The following FAR1 variants were observed in gnomAD, a reference collection of about 807,000 sequenced individuals.
FAR1 encodes male sterility domain-containing protein 2.
FAR1 carries 22 observed loss-of-function variants against 61.1 expected under a neutral mutation model. The ratio of observed to expected loss-of-function variants is 0.36; its 90% CI spans 0.26 to 0.51. FAR1 has a LOEUF of 0.51. Among genes scored for constraint, FAR1 ranks in the 20% least tolerant of loss-of-function variants. The pLI is 0.95. For synonymous variants in FAR1, 206 were observed against 209.7 expected (o/e 0.98, Z 0.15); for missense variants, 359 against 626.9 (o/e 0.57, Z 4.56).
chr11:13,712,176 A>T (rs2134192548), intron 7 of FAR1, 130 bp downstream of exon 7: 1 of 662,526 alleles, frequency 1.5e-6, no homozygotes, highest in East Asian at 2.7e-5. Flanking sequence ...TATCACTGCC[A>T]ACTCCAAGAG....
intron 1 of FAR1, among the ~76,000 whole-genome samples, chr11:13,690,831 A>G (rs993897695): frequency 5.3e-5 from 8 of 152,202 alleles, no homozygotes; most frequent in South Asian, 2.1e-4. Context: ...CAGTCTTCCA[A>G]TCTAGGAATA....
intron 3 of FAR1, among the ~76,000 whole-genome samples, chr11:13,705,654 A>AT (rs1243244489): frequency 1.3e-5 from 2 of 151,984 alleles, no homozygotes; most frequent in African/African-American, 2.4e-5. Context: ...ACTTGAACAG[A>AT]TTTTCTCCCT....
chr11:13,708,172 G>A, intron 4 of FAR1, 93 bp downstream of exon 4: 1 of 832,822 alleles, frequency 1.2e-6, no homozygotes. Context: ...GAGCAGCCAG[G>A]CCAACATAGT....
chr11:13,711,703 A>T (rs1349208567), intron 5 of FAR1, 61 bp from the exon 6 acceptor site: 4 of 1,275,544 alleles, frequency 3.1e-6, no homozygotes, highest in Non-Finnish European at 4.5e-6. Context: ...AGTTCAAATA[A>T]TAAATCTCTA....
At chr11:13,705,960 C>T (rs1415022957) in intron 3 of FAR1, among the ~76,000 whole-genome samples, 1 of 152,188 alleles carries the variant, frequency 6.6e-6, no homozygotes, top group Non-Finnish European at 1.5e-5. Flanking sequence ...CACTGCTTCA[C>T]TTTACAGTGA....
chr11:13,721,618 T>C lies in FAR1; in HGVS notation c.1128-112T>C, dbSNP rs1848610581. On this transcript the variant is annotated intron_variant, in intron 9 of 11. Coordinates refer to ENST00000354817, the MANE Select transcript of FAR1 (RefSeq NM_032228.6). This position sits in a 1 kb window ranked among gnomAD's most constrained non-coding sequence, Gnocchi z 4.2. ...TGGTACACTTAATGATTAAATGTTA[T>C]AATTTTAATACTAATGTCTATATTA... 5.4e-6 allele frequency: 4 copies of C among 737,042 alleles called. No individual in the cohort carries two copies. The highest frequency in any genetic ancestry group is 3.4e-5 in the Admixed American group (1 of 29,606). 45.7% of individuals were successfully genotyped at this position (737,042 alleles called of 1,614,324 possible).
chr11:13,675,416 C>T (rs548810105), intron 1 of FAR1, among the ~76,000 whole-genome samples: 3 of 152,220 alleles, frequency 2.0e-5, no homozygotes, highest in East Asian at 1.9e-4. Flanking sequence ...ATAAAGCGTG[C>T]GGTTAGGAAA....
At chr11:13,725,555 G>T (rs1292992574) in intron 10 of FAR1, among the ~76,000 whole-genome samples, 1 of 152,008 alleles carries the variant, frequency 6.6e-6, no homozygotes. Flanking sequence ...CAGTGGAAAT[G>T]CAGACTAAAG....
At chr11:13,722,997 A>C (rs1848628590) in intron 10 of FAR1, among the ~76,000 whole-genome samples, 1 of 151,914 alleles carries the variant, frequency 6.6e-6, no homozygotes, top group Non-Finnish European at 1.5e-5. Context: ...TCTGTTTTGT[A>C]GTGAATTCTG....
chr11:13,708,480 C>CACACAT (rs1250984773), intron 4 of FAR1, among the ~76,000 whole-genome samples: 1 of 124,604 alleles, frequency 8.0e-6, no homozygotes, highest in Non-Finnish European at 1.9e-5. Flanking sequence ...CACACACATA[C>CACACAT]ATTTATCTCT....
At chr11:13,724,043 A>AAAAT (rs1565353383) in intron 10 of FAR1, among the ~76,000 whole-genome samples, 1 of 152,134 alleles carries the variant, frequency 6.6e-6, no homozygotes, top group Non-Finnish European at 1.5e-5. Flanking sequence ...ATTTTTTTAA[A>AAAAT]AAATATTTGT....
chr11:13,714,460 T>G, intron 8 of FAR1, 49 bp from the exon 9 acceptor site: 1 of 1,501,684 alleles, frequency 6.7e-7, no homozygotes, highest in Non-Finnish European at 9.0e-7. Context: ...TTTTCAAAAC[T>G]TCATTACATG....
chr11:13,686,497 G>T (rs938964194), intron 1 of FAR1: 2 of 151,966 alleles, frequency 1.3e-5, no homozygotes, highest in African/African-American at 4.8e-5. Context: ...TCATTTCTCG[G>T]CACCAAAAAG....
At chr11:13,703,116 ACT>A (rs1416835076) in intron 3 of FAR1, among the ~76,000 whole-genome samples, 1 of 152,172 alleles carries the variant, frequency 6.6e-6, no homozygotes. Flanking sequence ...TGGGTCAGAC[ACT>A]CTATAATACT....
intron 1 of FAR1, among the ~76,000 whole-genome samples, chr11:13,682,846 A>T (rs528459945): frequency 3.3e-5 from 5 of 152,030 alleles, no homozygotes; most frequent in African/African-American, 1.2e-4. Context: ...TCACGGGCTC[A>T]AGCAATCTGC....
intron 1 of FAR1, among the ~76,000 whole-genome samples, chr11:13,683,253 C>T (rs559381059): frequency 3.4e-4 from 52 of 151,796 alleles, no homozygotes; most frequent in East Asian, 9.7e-4. Context: ...ATTAGCTGGA[C>T]GTGGTGGTGG....
intron 8 of FAR1, 149 bp downstream of exon 8, chr11:13,713,182 A>T: frequency 1.4e-6 from 1 of 704,722 alleles, no homozygotes. Flanking sequence ...TTATCTACCA[A>T]TACTACCTTG....
chr11:13,695,699 A>G (rs1456374492), intron 2 of FAR1, among the ~76,000 whole-genome samples: 1 of 152,220 alleles, frequency 6.6e-6, no homozygotes, highest in Non-Finnish European at 1.5e-5. Context: ...TTGAATATCT[A>G]CATTCGTATA....
At position 13,730,329 on chromosome 11, in the gene FAR1, C is replaced by G. The variant is rs1848710752; in HGVS notation, c.*1555C>G. Reference sequence around the variant, plus strand: ...ACCTACTTTCATGCAGGTGTATAATCTTGAAAAGGAAAAATGCTTCCATGT... The same window carrying G: ...ACCTACTTTCATGCAGGTGTATAATGTTGAAAAGGAAAAATGCTTCCATGT... On this transcript the variant is annotated 3_prime_UTR_variant, in exon 12 of 12. Transcript: ENST00000354817. The G allele has an allele frequency of 6.6e-6, 1 of 152,338 alleles. No individual in the cohort carries two copies. Among genetic ancestry groups the G allele is most frequent in the African/African-American group, 2.4e-5 (1 of 41,402 alleles). The allele number at this position is 152,338 out of a possible 1,614,324, so 9.4% of individuals were successfully genotyped here. A position where few individuals can be genotyped will look rare whatever the true frequency, so the allele number is the denominator to read the frequency against.
Sources: gnomAD v4.1 joint callset for allele counts (sites outside exome capture counted in the v4.1 genomes callset) on GRCh38, gnomAD v4.1.1 for gene constraint, Gnocchi (gnomAD v3.1) non-coding constraint, MANE v1.5 for transcripts, NCBI Gene and HGNC (gene_info 2026-07-23, HGNC 2026-07-21) for gene names.